Variants in CLEC2B observed in about 807,000 individuals in gnomAD.
CLEC2B encodes C-type (calcium dependent, carbohydrate-recognition domain) lectin, superfamily member 2 (activation-induced).
Under a neutral mutation model 16.2 loss-of-function variants are expected in CLEC2B, and 14 were observed. The ratio of observed to expected loss-of-function variants is 0.86; its 90% CI spans 0.57 to 1.35. CLEC2B has a LOEUF of 1.35. Ranked by LOEUF, CLEC2B falls within the 40% of genes most tolerant of loss-of-function variation. The pLI, the probability that CLEC2B is intolerant of heterozygous loss-of-function variation, is 0.00. For missense variants in CLEC2B, 166 were observed against 182.3 expected (o/e 0.91, Z 0.52); for synonymous variants, 42 against 55.8 (o/e 0.75, Z 1.10).
intron 2 of CLEC2B, among the ~76,000 whole-genome samples, chr12:9,861,310 A>G (rs1249753647): frequency 2.6e-5 from 4 of 152,032 alleles, no homozygotes; most frequent in African/African-American, 9.7e-5. Context: ...CTAAATAAAC[A>G]ACAATTATGA....
Position 9,853,087 on chromosome 12 carries a change from G to GAGAAAGAAAGAAAGAA in CLEC2B, c.*212_*213insTTCTTTCTTTCTTTCT. 2.9e-6 allele frequency: 1 copy of GAGAAAGAAAGAAAGAA among 345,414 alleles called. No individual in the cohort carries two copies. Among genetic ancestry groups the GAGAAAGAAAGAAAGAA allele is most frequent in the Non-Finnish European group, 5.1e-6 (1 of 197,214 alleles). 21.4% of individuals were successfully genotyped at this position (345,414 alleles called of 1,614,324 possible). A position where few individuals can be genotyped will look rare whatever the true frequency, so the allele number is the denominator to read the frequency against. ...AAAGAAAGAAAGAAAGAAAGAAAGA[G>GAGAAAGAAAGAAAGAA]AGAGAGAGAAAGAAAGAAAGAAAAA... On this transcript the variant is annotated 3_prime_UTR_variant, in exon 5 of 5. Coordinates refer to ENST00000228438, the MANE Select transcript of CLEC2B (RefSeq NM_005127.3).
intron 2 of CLEC2B, among the ~76,000 whole-genome samples, chr12:9,859,520 A>C (rs1867917899): frequency 6.6e-6 from 1 of 151,900 alleles, no homozygotes. Context: ...GCATATCTAA[A>C]TAACACTATA....
At position 9,857,630 on chromosome 12, in the gene CLEC2B, T is replaced by G; in HGVS notation, c.81A>C (p.Leu27=). 1 of 1,608,138 alleles carries G rather than the reference T, an allele frequency of 6.2e-7. No homozygotes were observed. ...GGCATAAACTCTGAGAATCTCGAGTTAGTTTAACTGGAAATGAGACAAATA... is the reference window on the plus strand; with the variant it reads ...GGCATAAACTCTGAGAATCTCGAGTGAGTTTAACTGGAAATGAGACAAATA... The part of the protein sequence containing the change: ...TTNIITLIVK[L]TRDSQSLCPY... Residue 27 remains leucine (L), a synonymous_variant, in exon 3 of 5, where the codon CTA becomes CTC. Coordinates refer to ENST00000228438, the MANE Select transcript of CLEC2B (RefSeq NM_005127.3).
chr12:9,863,186 T>C (rs1033843509), intron 1 of CLEC2B, among the ~76,000 whole-genome samples: 2 of 152,106 alleles, frequency 1.3e-5, no homozygotes, highest in African/African-American at 4.8e-5. Flanking sequence ...AGCACCCTCA[T>C]TTGGTATGAG....
intron 1 of CLEC2B, chr12:9,867,399 T>G (rs560781201): frequency 6.6e-6 from 1 of 152,288 alleles, no homozygotes; most frequent in South Asian, 2.1e-4. Context: ...TATTATGTGT[T>G]CATTCTCTAC....
chr12:9,854,919 A>G (rs1867884024), intron 3 of CLEC2B: 1 of 185,676 alleles, frequency 5.4e-6, no homozygotes, highest in Non-Finnish European at 1.1e-5. Flanking sequence ...CTACATAGGT[A>G]AATACACACA....
At chr12:9,855,767 C>T (rs1250666146) in intron 3 of CLEC2B, among the ~76,000 whole-genome samples, 1 of 151,808 alleles carries the variant, frequency 6.6e-6, no homozygotes, top group South Asian at 2.1e-4. Context: ...ATTTTAGCCC[C>T]TTGTTAGAAG....
At chr12:9,862,463 A>C in intron 2 of CLEC2B, 36 bp downstream of exon 2, 2 of 1,417,044 alleles carry the variant, frequency 1.4e-6, no homozygotes, top group Non-Finnish European at 1.9e-6. Context: ...TCACACATAG[A>C]AAGCCATGAA....
Position 9,859,325 on chromosome 12 carries a change from A to C in CLEC2B, c.74-1688T>G, listed in dbSNP as rs538255234. 2.0e-5 allele frequency among the ~76,000 whole-genome samples: 3 copies of C among 152,108 alleles called. No homozygotes were observed. In the South Asian group the frequency reaches 6.2e-4, roughly 31 times the overall value. On this transcript the variant is annotated intron_variant, in intron 2 of 4. Coordinates refer to ENST00000228438, the MANE Select transcript of CLEC2B (RefSeq NM_005127.3). ...TGAATAAAAAATTAATGCCAAATAG[A>C]AGAAAAGTTTAAAGTCATAAGATGA... is the stretch of plus-strand genomic sequence containing the variant.
At chr12:9,864,255 A>C (rs1221094143) in intron 1 of CLEC2B, among the ~76,000 whole-genome samples, 2 of 152,158 alleles carry the variant, frequency 1.3e-5, no homozygotes, top group Admixed American at 1.3e-4. Context: ...CCAGACAAAC[A>C]AAAACTGAGA....
rs1026143265 is a variant in CLEC2B at position 9,857,372 on chromosome 12, G to C, written c.237+102C>G. 12 of 827,036 alleles carry C rather than the reference G, an allele frequency of 1.5e-5. No homozygotes were observed. The African/African-American group carries it at 2.1e-4, about 14-fold the overall frequency. 51.2% of individuals were successfully genotyped at this position (827,036 alleles called of 1,614,324 possible). Reference sequence around the variant, plus strand: ...CTGAACATCTTCAATTTTCTGCATAGATAGGCATGAGTGAAAAGACTTCAA... The same window carrying C: ...CTGAACATCTTCAATTTTCTGCATACATAGGCATGAGTGAAAAGACTTCAA... On this transcript the variant is annotated intron_variant, in intron 3 of 4. Coordinates refer to ENST00000228438, the MANE Select transcript of CLEC2B (RefSeq NM_005127.3).
chr12:9,866,129 G>GA (rs998810185), intron 1 of CLEC2B, among the ~76,000 whole-genome samples: 1 of 151,984 alleles, frequency 6.6e-6, no homozygotes, highest in Non-Finnish European at 1.5e-5. Flanking sequence ...CAAATTAGTA[G>GA]AAAAAAGAAG....
intron 3 of CLEC2B, among the ~76,000 whole-genome samples, chr12:9,856,164 C>T (rs1867893406): frequency 6.6e-6 from 1 of 152,042 alleles, no homozygotes; most frequent in Admixed American, 6.6e-5. Flanking sequence ...TTTATTTAGT[C>T]AATCTTTGCT....
chr12:9,865,180 C>CAAAAAAA (rs56774558), intron 1 of CLEC2B, among the ~76,000 whole-genome samples: 1 of 99,104 alleles, frequency 1.0e-5, no homozygotes, highest in African/African-American at 4.1e-5. Context: ...AAGACTCTCT[C>CAAAAAAA]AAAAAAAAAA....
At chr12:9,861,584 T>A (rs1011919742) in intron 2 of CLEC2B, among the ~76,000 whole-genome samples, 3 of 152,018 alleles carry the variant, frequency 2.0e-5, no homozygotes, top group African/African-American at 7.2e-5. Flanking sequence ...AAGACAAAAA[T>A]ATAAAATTAT....
chr12:9,865,139 T>C (rs1444667619), intron 1 of CLEC2B, among the ~76,000 whole-genome samples: 2 of 136,604 alleles, frequency 1.5e-5, no homozygotes, highest in East Asian at 2.1e-4. Context: ...TCTGAGATCA[T>C]GCCACTCCAC....
rs1386995482 is a variant in CLEC2B, at chr12:9,869,306, A to T, written c.-104T>A. Reference sequence around the variant, plus strand: ...TGTAACTTTATTTAACTTTAATATAAAAATGTTACTCTTGTTTTTACAGCA... The same window carrying T: ...TGTAACTTTATTTAACTTTAATATATAAATGTTACTCTTGTTTTTACAGCA... On this transcript the variant is annotated 5_prime_UTR_variant, in exon 1 of 5. Transcript: ENST00000228438. 6.6e-6 allele frequency: 1 copy of T among 152,214 alleles called. No individual in the cohort carries two copies. Among genetic ancestry groups the T allele is most frequent in the Non-Finnish European group, 1.5e-5 (1 of 68,018 alleles). 9.4% of individuals were successfully genotyped at this position (152,214 alleles called of 1,614,324 possible). A position where few individuals can be genotyped will look rare whatever the true frequency, so the allele number is the denominator to read the frequency against.
Position 9,858,112 on chromosome 12 carries a change from C to T in CLEC2B, c.74-475G>A, listed in dbSNP as rs111287785. On this transcript the variant is annotated intron_variant, in intron 2 of 4. Coordinates refer to ENST00000228438, the MANE Select transcript of CLEC2B (RefSeq NM_005127.3). ...AGGAATCACCATCACTGTATAGCTC[C>T]GGTTTAGCCAATGAATGGAACTAAC... 2.6e-3 allele frequency among the ~76,000 whole-genome samples: 397 copies of T among 152,072 alleles called. 3 individuals carry two copies. The highest frequency in any genetic ancestry group is 8.3e-3 in the African/African-American group (344 of 41,528).
chr12:9,857,766 T>G (rs1867905783), intron 2 of CLEC2B, 129 bp from the exon 3 acceptor site: 1 of 720,704 alleles, frequency 1.4e-6, no homozygotes, highest in Non-Finnish European at 2.3e-6. Flanking sequence ...ATCTATTATA[T>G]GATAAGTTGA....
Sources: gnomAD v4.1 joint callset for allele counts (sites outside exome capture counted in the v4.1 genomes callset) on GRCh38, gnomAD v4.1.1 for gene constraint, MANE v1.5 for transcripts, NCBI Gene and HGNC (gene_info 2026-07-23, HGNC 2026-07-21) for gene names.